MAPK9: variants seen among roughly 807,000 people sequenced by gnomAD.
MAPK9 encodes the protein mitogen-activated protein kinase 9.
Under a neutral mutation model 57.1 loss-of-function variants are expected in MAPK9, and 30 were observed. That is an observed-to-expected ratio of 0.53 (90% CI 0.39 to 0.71). MAPK9 has a LOEUF of 0.71. Among genes scored for constraint, MAPK9 ranks in the 30% least tolerant of loss-of-function variants. The pLI is 0.00. For missense variants in MAPK9, 362 were observed against 521.0 expected (o/e 0.69, Z 2.97); for synonymous variants, 155 against 177.0 (o/e 0.88, Z 0.99).
intron 2 of MAPK9, among the ~76,000 whole-genome samples, chr5:180,279,247 T>C (rs6601106): frequency 0.63 from 96,152 of 152,048 alleles, 30,655 homozygotes; most frequent in African/African-American, 0.71. Context: ...TGAGCCACCG[T>C]GCCCGGCCAC....
rs1434921768 is a variant in MAPK9, at chr5:180,235,726, A to C, written c.*658T>G. On this transcript the variant is annotated 3_prime_UTR_variant, in exon 12 of 12. Transcript: ENST00000452135. ...AGTTTAAAGAAAACAAGATGTCCAC[A>C]TAAGTGTCTTGGTTTTAGCCGTGAT... 6.6e-6 allele frequency: 1 copy of C among 152,238 alleles called. No homozygotes were observed. The highest frequency in any genetic ancestry group is 6.5e-5 in the Admixed American group (1 of 15,288). The allele number at this position is 152,238 out of a possible 1,614,324, so 9.4% of individuals were successfully genotyped here. A position where few individuals can be genotyped will look rare whatever the true frequency, so the allele number is the denominator to read the frequency against.
At chr5:180,284,997 C>T (rs1704280044) in intron 1 of MAPK9, among the ~76,000 whole-genome samples, 1 of 152,206 alleles carries the variant, frequency 6.6e-6, no homozygotes, top group Admixed American at 6.5e-5. Context: ...ACTTTCTATT[C>T]TGTTTTTCAA....
At chr5:180,287,881 TCTA>T (rs1482661268) in intron 1 of MAPK9, among the ~76,000 whole-genome samples, 74 of 152,266 alleles carry the variant, frequency 4.9e-4, no homozygotes, top group African/African-American at 1.7e-3. Context: ...TTCTCAATCC[TCTA>T]CTGATTACAC....
intron 1 of MAPK9, among the ~76,000 whole-genome samples, chr5:180,282,254 C>T (rs985423228): frequency 2.0e-5 from 3 of 152,190 alleles, no homozygotes; most frequent in Non-Finnish European, 1.5e-5. Flanking sequence ...AGCTTATTTA[C>T]AGTTTGCAAG....
At position 180,280,569 on chromosome 5, in the gene MAPK9, C is replaced by T. The variant is rs376620174; in HGVS notation, c.-8G>A. The T allele has an allele frequency of 5.6e-6, 9 of 1,611,804 alleles. No individual in the cohort carries two copies. The highest frequency in any genetic ancestry group is 4.0e-5 in the African/African-American group (3 of 74,836). On this transcript the variant is annotated 5_prime_UTR_variant, in exon 2 of 12. Coordinates refer to ENST00000452135, the MANE Select transcript of MAPK9 (RefSeq NM_002752.5). ...ACATTTACTGTCGCTCATGATGCAG[C>T]GTCCTGCAATATCCCGAAGGGTGGG...
rs879447648 is a variant in MAPK9 at position 180,289,118 on chromosome 5, G to GA, written c.-48+2729dup. ...ATTGGCAAATCAATAGTCTCAAGAA[G>GA]AAAAAAAATCTGGTCTCTGTTTTAT... On this transcript the variant is annotated intron_variant, in intron 1 of 11. Coordinates refer to ENST00000452135, the MANE Select transcript of MAPK9 (RefSeq NM_002752.5). Among the ~76,000 whole-genome samples, 6 of 151,952 alleles carry GA rather than the reference G, an allele frequency of 3.9e-5. No homozygotes were observed. In the South Asian group the frequency reaches 1.0e-3, roughly 26 times the overall value.
At position 180,269,351 on chromosome 5, in the gene MAPK9, A is replaced by G. The variant is rs1250132889; in HGVS notation, c.181T>C (p.Phe61Leu). The change falls in exon 3 of 12, where the codon TTT becomes CTT. Residue 61 changes from phenylalanine (F) to leucine (L), a missense_variant. This residue lies in a region of MAPK9 where 127 missense variants were observed against 231.7 expected (regional missense o/e 0.55). Transcript: ENST00000452135. ...CTCTTTGCATGAGTTTGGTTCTGAA[A>G]AGGACGGCTTAGTTTCTTGACTGCA... ...NVAVKKLSRPFQNQTHAKRAY... is the reference protein window; with the variant it reads ...NVAVKKLSRPLQNQTHAKRAY... The G allele has an allele frequency of 6.2e-7, 1 of 1,614,080 alleles. No individual in the cohort carries two copies. The highest frequency in any genetic ancestry group is 8.5e-7 in the Non-Finnish European group (1 of 1,179,934).
At chr5:180,276,273 C>A (rs957974036) in intron 2 of MAPK9, among the ~76,000 whole-genome samples, 1 of 152,178 alleles carries the variant, frequency 6.6e-6, no homozygotes, top group African/African-American at 2.4e-5. Context: ...AAAAGGAACA[C>A]GCTATACCAA....
intron 2 of MAPK9, among the ~76,000 whole-genome samples, chr5:180,274,482 AG>A (rs893414502): frequency 6.6e-6 from 1 of 152,190 alleles, no homozygotes; most frequent in South Asian, 2.1e-4. Context: ...AAGATGGAGG[AG>A]GTCACTTGAG....
rs1762196346 is a variant in MAPK9 at position 180,280,174 on chromosome 5, A to T, written c.122+266T>A. The T allele has an allele frequency of 6.1e-6, 3 of 495,076 alleles. No homozygotes were observed. The South Asian group carries it at 6.3e-5, about 10-fold the overall frequency. 30.7% of individuals were successfully genotyped at this position (495,076 alleles called of 1,614,324 possible). On this transcript the variant is annotated intron_variant, in intron 2 of 11. Coordinates refer to ENST00000452135, the MANE Select transcript of MAPK9 (RefSeq NM_002752.5). ...ACTCTGATATCATAATGACAGGAGA[A>T]ATGAAAAAAAAAATGAAAGGAAAAA...
intron 3 of MAPK9, among the ~76,000 whole-genome samples, chr5:180,269,079 C>T (rs996994582): frequency 6.6e-6 from 1 of 152,144 alleles, no homozygotes; most frequent in Admixed American, 6.5e-5. Context: ...GTGGAGCTTG[C>T]AGAGAGCCGA....
At chr5:180,289,872 T>G (rs1281712388) in intron 1 of MAPK9, among the ~76,000 whole-genome samples, 1 of 152,232 alleles carries the variant, frequency 6.6e-6, no homozygotes, top group Non-Finnish European at 1.5e-5. Flanking sequence ...CCTTCCTTTT[T>G]AGAGACAGGG....
chr5:180,243,447 C>G (rs1162779733), intron 7 of MAPK9, among the ~76,000 whole-genome samples: 1 of 152,196 alleles, frequency 6.6e-6, no homozygotes, highest in Non-Finnish European at 1.5e-5. Flanking sequence ...GCAGACATTA[C>G]CAGCTTTGCC....
intron 5 of MAPK9, among the ~76,000 whole-genome samples, chr5:180,260,347 T>C (rs1156237883): frequency 6.6e-6 from 1 of 152,230 alleles, no homozygotes; most frequent in East Asian, 1.9e-4. Flanking sequence ...TAAATTTTCA[T>C]TTTAATAATT....
At position 180,286,515 on chromosome 5, in the gene MAPK9, C is replaced by T. The variant is rs573986171; in HGVS notation, c.-48+5333G>A. ...CTTTCTTTGATAATCAAGAACCTTG[C>T]AGCTCTCAGGGCCATCCTCTGTAGT... On this transcript the variant is annotated intron_variant, in intron 1 of 11. Coordinates refer to ENST00000452135, the MANE Select transcript of MAPK9 (RefSeq NM_002752.5). Among the ~76,000 whole-genome samples the T allele has an allele frequency of 7.2e-5, 11 of 151,930 alleles. No homozygotes were observed. The South Asian group carries it at 2.3e-3, about 32-fold the overall frequency.
chr5:180,245,873 CA>C (rs1406510511), intron 7 of MAPK9, among the ~76,000 whole-genome samples: 1 of 152,176 alleles, frequency 6.6e-6, no homozygotes, highest in Non-Finnish European at 1.5e-5. Context: ...CTGATTTCTG[CA>C]ACTTTTTTCT....
rs527998186 is a variant in MAPK9 at position 180,266,113 on chromosome 5, T to C, written c.253-1274A>G. 2.3e-4 allele frequency among the ~76,000 whole-genome samples: 34 copies of C among 150,438 alleles called. 1 individual carries two copies. Among genetic ancestry groups the C allele is most frequent in the Admixed American group, 2.0e-3 (31 of 15,156 alleles). On this transcript the variant is annotated intron_variant, in intron 3 of 11. Transcript: ENST00000452135. Reference sequence around the variant, plus strand: ...TTAATATTTAAAAAAAAAACCCTCCTACAAATGCAGAAGAGACCAGCAGTC... The same window carrying C: ...TTAATATTTAAAAAAAAAACCCTCCCACAAATGCAGAAGAGACCAGCAGTC...
chr5:180,240,075 TA>T, intron 9 of MAPK9, 88 bp from the exon 10 acceptor site: 1 of 941,776 alleles, frequency 1.1e-6, no homozygotes, highest in East Asian at 2.4e-5. Context: ...GGAAGACTTC[TA>T]GTCTATTTAT....
chr5:180,263,937 C>T (rs1760265134), intron 4 of MAPK9, among the ~76,000 whole-genome samples: 1 of 152,152 alleles, frequency 6.6e-6, no homozygotes, highest in Admixed American at 6.5e-5. Context: ...GATCTCCTGA[C>T]CTCGTGATCC....
Sources: gnomAD v4.1 joint callset for allele counts (sites outside exome capture counted in the v4.1 genomes callset) on GRCh38, gnomAD v4.1.1 for gene constraint, gnomAD v4.1.1 regional missense constraint, MANE v1.5 for transcripts, NCBI Gene and HGNC (gene_info 2026-07-23, HGNC 2026-07-21) for gene names.